Variants in RPL32 observed in about 807,000 individuals in gnomAD.
RPL32 encodes the protein large ribosomal subunit protein eL32.
For synonymous variants in RPL32, 61 were observed against 62.6 expected (o/e 0.98, Z 0.12); for missense variants, 117 against 173.7 (o/e 0.67, Z 1.83).
chr3:12,837,946 G>C (rs1283548260), intron 3 of RPL32, among the ~76,000 whole-genome samples: 2 of 152,124 alleles, frequency 1.3e-5, no homozygotes, highest in Non-Finnish European at 2.9e-5. Flanking sequence ...AAAACACCTA[G>C]AACTAGCTGG....
At chr3:12,840,485 G>A in intron 1 of RPL32, 1 of 643,372 alleles carries the variant, frequency 1.6e-6, no homozygotes, top group South Asian at 1.4e-5. Flanking sequence ...CCCAAAGAAT[G>A]CCAACAGCTG....
At chr3:12,836,338 G>A in intron 3 of RPL32, 115 bp from the exon 4 acceptor site, 1 of 1,260,062 alleles carries the variant, frequency 7.9e-7, no homozygotes, top group Non-Finnish European at 1.1e-6. Context: ...TTGGTAAGTG[G>A]CTGTGGAATG....
At position 12,835,346 on chromosome 3, in the gene RPL32, G is replaced by C. The variant is rs555288746; in HGVS notation, c.*748C>G. The C allele has an allele frequency of 1.3e-5, 2 of 152,302 alleles. No homozygotes were observed. The highest frequency in any genetic ancestry group is 6.5e-5 in the Admixed American group (1 of 15,292). 9.4% of individuals were successfully genotyped at this position (152,302 alleles called of 1,614,324 possible). On this transcript the variant is annotated 3_prime_UTR_variant, in exon 4 of 4. Coordinates refer to ENST00000429711, the MANE Select transcript of RPL32 (RefSeq NM_000994.4). ...TGGGAAGATCACCTGAGCCTGGGGAGGTCAAGGCTGTAGTCAGTGTGCCAC... is the reference window on the plus strand; with the variant it reads ...TGGGAAGATCACCTGAGCCTGGGGACGTCAAGGCTGTAGTCAGTGTGCCAC...
intron 3 of RPL32, among the ~76,000 whole-genome samples, chr3:12,837,506 T>C (rs1418426043): frequency 6.6e-6 from 1 of 152,232 alleles, no homozygotes; most frequent in Non-Finnish European, 1.5e-5. Context: ...ATGTTGGCCA[T>C]ACAACAGGTA....
intron 3 of RPL32, among the ~76,000 whole-genome samples, chr3:12,837,185 C>A (rs952788845): frequency 4.6e-5 from 7 of 151,976 alleles, no homozygotes; most frequent in Non-Finnish European, 8.8e-5. Flanking sequence ...AGTGTACCCA[C>A]CATTTTAAAT....
Position 12,835,878 on chromosome 3 carries a change from C to G in RPL32, c.*216G>C, listed in dbSNP as rs2062095342. ...CAGCCTCAACTGGAGATGACTAAGG[C>G]TAGTCTGTGCACTTGAGGCCACATT... On this transcript the variant is annotated 3_prime_UTR_variant, in exon 4 of 4. Transcript: ENST00000429711. 3.5e-6 allele frequency: 2 copies of G among 565,126 alleles called. No individual in the cohort carries two copies. Among genetic ancestry groups the G allele is most frequent in the African/African-American group, 1.9e-5 (1 of 52,902 alleles). 35.0% of individuals were successfully genotyped at this position (565,126 alleles called of 1,614,324 possible).
chr3:12,839,457 T>G lies in RPL32; in HGVS notation c.170A>C (p.Asn57Thr), dbSNP rs141390112. Residue 57 changes from asparagine to threonine, a missense_variant, in exon 3 of 4, where the codon AAC becomes ACC. By Grantham distance (65) the Asn-to-Thr change is moderately conservative. Transcript: ENST00000429711. ...TTTTTTGTTGCTTCCATAACCAATG[T>G]TGGGCATCAAGATCTGGCCCTTGAA... is the stretch of plus-strand genomic sequence containing the variant. ...RRFKGQILMPNIGYGSNKKTK... is the reference protein window; with the variant it reads ...RRFKGQILMPTIGYGSNKKTK... 6 of 1,614,222 alleles carry G rather than the reference T, an allele frequency of 3.7e-6. No homozygotes were observed. The East Asian group carries it at 8.9e-5, about 24-fold the overall frequency.
intron 1 of RPL32, chr3:12,840,519 A>C: frequency 1.7e-5 from 10 of 573,988 alleles, no homozygotes; most frequent in Non-Finnish European, 3.4e-5. Context: ...TGACCCCAAG[A>C]CACTCTCAAT....
chr3:12,837,379 G>A (rs1023267581), intron 3 of RPL32, among the ~76,000 whole-genome samples: 10 of 152,228 alleles, frequency 6.6e-5, no homozygotes, highest in Non-Finnish European at 2.9e-5. Context: ...CAAATGCCCA[G>A]AAATGGAACT....
intron 2 of RPL32, chr3:12,839,734 A>G (rs3901334): frequency 0.14 from 86,331 of 625,340 alleles, 7,681 homozygotes; most frequent in African/African-American, 0.35. Flanking sequence ...AGGCACCCCC[A>G]CCATTGCCAC....
intron 1 of RPL32, 169 bp downstream of exon 1, chr3:12,841,325 A>T (rs2062150911): frequency 6.6e-6 from 1 of 152,398 alleles, no homozygotes; most frequent in African/African-American, 2.4e-5. Flanking sequence ...TCTGGGACGC[A>T]AAGCCCTATC....
chr3:12,838,940 G>A (rs893174464), intron 3 of RPL32: 3 of 257,398 alleles, frequency 1.2e-5, no homozygotes, highest in South Asian at 4.8e-5. Flanking sequence ...GCTGTGTCAC[G>A]GGCCATGGTC....
At position 12,835,112 on chromosome 3, in the gene RPL32, A is replaced by C. The variant is rs775177712; in HGVS notation, c.*982T>G. ...AACATCCTGTAAGCATTTCTGTCTC[A>C]TAAGTACCACATCCCATATCCCTCA... On this transcript the variant is annotated 3_prime_UTR_variant, in exon 4 of 4. Coordinates refer to ENST00000429711, the MANE Select transcript of RPL32 (RefSeq NM_000994.4). 6.6e-6 allele frequency: 1 copy of C among 152,230 alleles called. No homozygotes were observed. The highest frequency in any genetic ancestry group is 2.4e-5 in the African/African-American group (1 of 41,464). The allele number at this position is 152,230 out of a possible 1,614,324, so 9.4% of individuals were successfully genotyped here.
chr3:12,835,313 G>C lies in RPL32; in HGVS notation c.*781C>G, dbSNP rs1050941806. On this transcript the variant is annotated 3_prime_UTR_variant, in exon 4 of 4. Coordinates refer to ENST00000429711, the MANE Select transcript of RPL32 (RefSeq NM_000994.4). ...CATCTGTAGTCCCAGCTACTTGGAA[G>C]GCTGAGGTGGGAAGATCACCTGAGC... 2.6e-5 allele frequency: 4 copies of C among 152,188 alleles called. No individual in the cohort carries two copies. Among genetic ancestry groups the C allele is most frequent in the Admixed American group, 6.5e-5 (1 of 15,270 alleles). 9.4% of individuals were successfully genotyped at this position (152,188 alleles called of 1,614,324 possible).
rs6497 is a variant in RPL32, at chr3:12,836,205, G to A, written c.297C>T (p.Ile99=). 46,635 of 1,600,146 alleles carry A rather than the reference G, an allele frequency of 0.029. 825 individuals are homozygous for A. Among genetic ancestry groups the A allele is most frequent in the African/African-American group, 0.042 (3,174 of 74,974 alleles). ...GGTTCTTGGAGGAAACATTGTGAGC[G>A]ATCTCGGCACAGTAAGATCTGCAAG... ...LMCNKSYCAE[I]AHNVSSKNRK... Residue 99 remains isoleucine, a synonymous_variant, in exon 4 of 4, where the codon ATC becomes ATT. Coordinates refer to ENST00000429711, the MANE Select transcript of RPL32 (RefSeq NM_000994.4).
chr3:12,835,407 T>C lies in RPL32; in HGVS notation c.*687A>G, dbSNP rs2062091879. ...GCCTGGGTGAGAGCAAGACCCCGTC[T>C]CCAAAAAAAATCAGGACCACGTGTC... On this transcript the variant is annotated 3_prime_UTR_variant, in exon 4 of 4. Transcript: ENST00000429711. The C allele has an allele frequency of 6.6e-6, 1 of 152,120 alleles. No homozygotes were observed. Among genetic ancestry groups the C allele is most frequent in the African/African-American group, 2.4e-5 (1 of 41,376 alleles). The allele number at this position is 152,120 out of a possible 1,614,324, so 9.4% of individuals were successfully genotyped here.
At chr3:12,836,796 G>C (rs1172911996) in intron 3 of RPL32, among the ~76,000 whole-genome samples, 2 of 152,224 alleles carry the variant, frequency 1.3e-5, no homozygotes, top group African/African-American at 4.8e-5. Flanking sequence ...TTAAGAGGCA[G>C]CTACACTGTG....
chr3:12,840,002 TG>T (rs1238876773), intron 2 of RPL32, 139 bp downstream of exon 2: 3 of 751,268 alleles, frequency 4.0e-6, no homozygotes, highest in African/African-American at 3.5e-5. Flanking sequence ...TAGGGCACAC[TG>T]GGGGAGACCT....
At chr3:12,838,855 C>A (rs1329763968) in intron 3 of RPL32, among the ~76,000 whole-genome samples, 1 of 152,168 alleles carries the variant, frequency 6.6e-6, no homozygotes, top group Non-Finnish European at 1.5e-5. Flanking sequence ...ATTGATGTCT[C>A]ATGTCTCCCT....
Sources: allele counts gnomAD v4.1 joint callset (sites outside exome capture counted in the v4.1 genomes callset), GRCh38; gene constraint gnomAD v4.1.1; transcripts MANE v1.5; gene names NCBI Gene and HGNC (gene_info 2026-07-23, HGNC 2026-07-21).